Variants in PXDNL observed in about 807,000 individuals in gnomAD.
The protein encoded by PXDNL is probable oxidoreductase PXDNL.
PXDNL carries 145 observed loss-of-function variants against 150.8 expected under a neutral mutation model. That is an observed-to-expected ratio of 0.96 (90% CI 0.84 to 1.10). PXDNL has a LOEUF of 1.10. Among genes scored for constraint, PXDNL ranks in the 50% least tolerant of loss-of-function variants. The pLI is 0.00. For synonymous variants in PXDNL, 757 were observed against 725.7 expected (o/e 1.04, Z -0.69); for missense variants, 2,087 against 1,873.9 (o/e 1.11, Z -2.10).
chr8:51,452,935 AAC>A (rs146990384), intron 10 of PXDNL, among the ~76,000 whole-genome samples: 25 of 142,666 alleles, frequency 1.8e-4, no homozygotes, highest in Middle Eastern at 3.6e-3. Context: ...CACACACACA[AAC>A]ACACACACAC....
intron 12 of PXDNL, among the ~76,000 whole-genome samples, chr8:51,440,060 T>TAC (rs963447804): frequency 4.9e-4 from 73 of 150,426 alleles, no homozygotes; most frequent in East Asian, 1.6e-3. Context: ...TATGTATATA[T>TAC]ACACACACAC....
chr8:51,671,642 C>CT (rs1815501037), intron 1 of PXDNL, among the ~76,000 whole-genome samples: 1 of 152,172 alleles, frequency 6.6e-6, no homozygotes, highest in Non-Finnish European at 1.5e-5. Context: ...CCCCAGGCCC[C>CT]TGTCTCTCCA....
intron 3 of PXDNL, among the ~76,000 whole-genome samples, chr8:51,571,641 T>A (rs1165023030): frequency 6.6e-6 from 1 of 151,918 alleles, no homozygotes; most frequent in African/African-American, 2.4e-5. Context: ...TCTCAAATGA[T>A]AATTTAAACT....
At chr8:51,345,607 A>T (rs1586018760) in intron 20 of PXDNL, among the ~76,000 whole-genome samples, 1 of 152,196 alleles carries the variant, frequency 6.6e-6, no homozygotes, top group Non-Finnish European at 1.5e-5. Context: ...TCTGCACTTT[A>T]CTGAGAAAAA....
intron 21 of PXDNL, among the ~76,000 whole-genome samples, chr8:51,339,088 T>C (rs565846225): frequency 2.0e-4 from 30 of 152,320 alleles, no homozygotes; most frequent in African/African-American, 6.5e-4. Flanking sequence ...CCCTGAGCGT[T>C]AGGTAGAAAG....
At chr8:51,356,275 G>C (rs1806505151) in intron 19 of PXDNL, among the ~76,000 whole-genome samples, 1 of 152,176 alleles carries the variant, frequency 6.6e-6, no homozygotes, top group African/African-American at 2.4e-5. Context: ...GATCACCTGA[G>C]GCTGGGAGTT....
At position 51,521,328 on chromosome 8, in the gene PXDNL, TAA is replaced by T. The variant is rs61154077; in HGVS notation, c.381-21560_381-21559del. ...GATAATCTCAGAGAGATGGAAACTA[TAA>T]AAAAAAAGAAAATATTTTAACTCAA... On this transcript the variant is annotated intron_variant, in intron 4 of 22. Coordinates refer to ENST00000356297, the MANE Select transcript of PXDNL (RefSeq NM_144651.5). Among the ~76,000 whole-genome samples the T allele has an allele frequency of 4.0e-5, 6 of 151,870 alleles. No homozygotes were observed. In the East Asian group the frequency reaches 9.7e-4, roughly 25 times the overall value.
rs190101213 is a variant in PXDNL, at chr8:51,750,531, A to T, written c.164+58650T>A. On this transcript the variant is annotated intron_variant, in intron 1 of 22. Coordinates refer to ENST00000356297, the MANE Select transcript of PXDNL (RefSeq NM_144651.5). ...AGCTGCATAATAATCGTATGGGACC[A>T]CTGTCATATACACTGTCCATCATTG... Among the ~76,000 whole-genome samples, 498 of 152,342 alleles carry T rather than the reference A, an allele frequency of 3.3e-3. 1 individual carries two copies. Among genetic ancestry groups the T allele is most frequent in the Admixed American group, 6.4e-3 (98 of 15,302 alleles).
intron 1 of PXDNL, among the ~76,000 whole-genome samples, chr8:51,693,146 A>C (rs1816035973): frequency 6.6e-6 from 1 of 152,248 alleles, no homozygotes; most frequent in Non-Finnish European, 1.5e-5. Flanking sequence ...TTGTTTAGTC[A>C]ATTCTAACAT....
chr8:51,425,463 GTATA>G (rs1395548160), intron 13 of PXDNL, among the ~76,000 whole-genome samples: 1 of 152,094 alleles, frequency 6.6e-6, no homozygotes, highest in Non-Finnish European at 1.5e-5. Flanking sequence ...TGCCCAAAAT[GTATA>G]TTTTTCACAC....
At chr8:51,754,724 C>G (rs1378227452) in intron 1 of PXDNL, among the ~76,000 whole-genome samples, 1 of 152,012 alleles carries the variant, frequency 6.6e-6, no homozygotes, top group African/African-American at 2.4e-5. Flanking sequence ...AGGATGGTCT[C>G]GATCTCCTGA....
chr8:51,571,058 T>C (rs1812927040), intron 3 of PXDNL, among the ~76,000 whole-genome samples: 1 of 151,428 alleles, frequency 6.6e-6, no homozygotes, highest in African/African-American at 2.4e-5. Context: ...AAAAAGACAA[T>C]TAAAAATTTT....
intron 6 of PXDNL, among the ~76,000 whole-genome samples, chr8:51,479,684 T>A (rs760123611): frequency 4.0e-5 from 6 of 150,992 alleles, no homozygotes; most frequent in Non-Finnish European, 8.9e-5. Context: ...ACGTAGGGAG[T>A]GAAATAATAG....
chr8:51,582,972 T>C (rs1813241639), intron 3 of PXDNL, among the ~76,000 whole-genome samples: 1 of 152,192 alleles, frequency 6.6e-6, no homozygotes, highest in Admixed American at 6.5e-5. Context: ...ATAAATGTAG[T>C]GTTTCATCTG....
intron 2 of PXDNL, among the ~76,000 whole-genome samples, chr8:51,636,939 C>A (rs1261069163): frequency 8.1e-5 from 5 of 62,004 alleles, no homozygotes; most frequent in Non-Finnish European, 1.3e-4. Flanking sequence ...GGGAGGTAAC[C>A]CCCAGTAGGG....
intron 17 of PXDNL, among the ~76,000 whole-genome samples, chr8:51,402,563 G>A (rs746376248): frequency 4.9e-4 from 74 of 152,080 alleles, no homozygotes; most frequent in Non-Finnish European, 9.4e-4. Context: ...ACATCCCTGT[G>A]ATTATGAGTG....
At chr8:51,636,534 G>A (rs1167200253) in intron 2 of PXDNL, among the ~76,000 whole-genome samples, 1 of 152,086 alleles carries the variant, frequency 6.6e-6, no homozygotes, top group Non-Finnish European at 1.5e-5. Flanking sequence ...AATCTGCTGT[G>A]TTCTGTACAT....
intron 19 of PXDNL, among the ~76,000 whole-genome samples, chr8:51,357,331 C>A (rs1236479486): frequency 6.6e-6 from 1 of 152,202 alleles, no homozygotes. Context: ...TGGACTGCCT[C>A]GCCTCTGCCA....
At chr8:51,576,386 A>G (rs1813055403) in intron 3 of PXDNL, among the ~76,000 whole-genome samples, 2 of 151,916 alleles carry the variant, frequency 1.3e-5, no homozygotes, top group Non-Finnish European at 2.9e-5. Context: ...ACAGGAGAAT[A>G]TCTAAACACT....
Sources: gnomAD v4.1 joint callset for allele counts (sites outside exome capture counted in the v4.1 genomes callset) on GRCh38, gnomAD v4.1.1 for gene constraint, MANE v1.5 for transcripts, NCBI Gene and HGNC (gene_info 2026-07-23, HGNC 2026-07-21) for gene names.